Variants in NEURL4 observed in about 807,000 individuals in gnomAD.
NEURL4 encodes the protein neuralized E3 ubiquitin protein ligase 4.
In NEURL4, 45 loss-of-function variants were observed where a neutral mutation model predicts 148.0. That is an observed-to-expected ratio of 0.30 (90% CI 0.24 to 0.39). The LOEUF (loss-of-function observed/expected upper bound fraction) is 0.39, where lower values mean the gene tolerates loss of function less well. Among genes scored for constraint, NEURL4 ranks in the 10% least tolerant of loss-of-function variants. NEURL4 has a pLI of 1.00. For synonymous variants in NEURL4, 854 were observed against 869.0 expected, an observed-to-expected ratio of 0.98 and a Z score of 0.30; for missense variants, 1,776 against 2,144.0, an observed-to-expected ratio of 0.83 and a Z score of 3.39.
chr17:7,328,421 A>G (rs1286223317), intron 1 of NEURL4, among the ~76,000 whole-genome samples: 1 of 152,052 alleles, frequency 6.6e-6, no homozygotes, highest in Non-Finnish European at 1.5e-5. Context: ...TTTTTTTGAG[A>G]CGGAGTCTCA....
At chr17:7,317,955 C>T in intron 25 of NEURL4, 23 bp from the exon 26 acceptor site, 1 of 1,613,964 alleles carries the variant, frequency 6.2e-7, no homozygotes, top group Non-Finnish European at 8.5e-7. Context: ...GAGTAGCAGG[C>T]TTGGTGCTGT....
At position 7,326,538 on chromosome 17, in the gene NEURL4, T is replaced by C. The variant is rs1162048114; in HGVS notation, c.1103A>G (p.Asp368Gly). Reference protein sequence around the residue: ...RDNEMFEIRIDKLVDKWSGSI... With the variant: ...RDNEMFEIRIGKLVDKWSGSI... The stretch of plus-strand genomic sequence containing the variant: ...GCCTGACCACTTATCAACAAGCTTG[T>C]CGATACGGATCTGGCATTGAGGGAC... The change falls in exon 5 of 29, where the codon GAC (aspartate) becomes GGC (glycine). Residue 368 changes from aspartate (D) to glycine (G), a missense_variant. Coordinates refer to ENST00000399464, the MANE Select transcript of NEURL4 (RefSeq NM_032442.3). The surrounding 1 kb of genome is among the most constrained non-coding windows in gnomAD (Gnocchi z 6.0). 6.2e-7 allele frequency: 1 copy of C among 1,613,792 alleles called. No homozygotes were observed. The highest frequency in any genetic ancestry group is 8.5e-7 in the Non-Finnish European group (1 of 1,179,962).
At chr17:7,325,593 G>C (rs747669963) in intron 7 of NEURL4, 48 bp downstream of exon 7, 3 of 1,595,258 alleles carry the variant, frequency 1.9e-6, no homozygotes, top group South Asian at 2.2e-5. Context: ...CCCAGTCCCA[G>C]CCCCACCGAA....
Position 7,322,224 on chromosome 17 carries a change from C to T in NEURL4, c.2726-214G>A, listed in dbSNP as rs990226000. Among the ~76,000 whole-genome samples, 39 of 152,120 alleles carry T rather than the reference C, an allele frequency of 2.6e-4. No individual in the cohort carries two copies. Among genetic ancestry groups the T allele is most frequent in the African/African-American group, 6.8e-4 (28 of 41,396 alleles). ...TCAGGCTGGAGTGCAGGGGCACAGTCGTGGCTCACTGCAGCCTCGACTTCC... is the reference window on the plus strand; with the variant it reads ...TCAGGCTGGAGTGCAGGGGCACAGTTGTGGCTCACTGCAGCCTCGACTTCC... On this transcript the variant is annotated intron_variant, in intron 16 of 28. Transcript: ENST00000399464. This position sits in a 1 kb window ranked among gnomAD's most constrained non-coding sequence, Gnocchi z 5.5.
rs1169359979 is a variant in NEURL4, at chr17:7,317,272, G to A, written c.4417C>T (p.Pro1473Ser). The A allele has an allele frequency of 6.6e-7, 1 of 1,524,698 alleles. No homozygotes were observed. The highest frequency in any genetic ancestry group is 2.3e-5 in the East Asian group (1 of 43,968). The allele number at this position is 1,524,698 out of a possible 1,614,324, so 94.4% of individuals were successfully genotyped here. Residue 1473 changes from proline (P) to serine (S), a missense_variant, in exon 28 of 29, where the codon CCC (proline) becomes TCC (serine). By Grantham distance (74) the Pro-to-Ser change is moderately conservative. Transcript: ENST00000399464. ...GAGGGGGAAAGCAGCACAGGAGGGG[G>A]CTGCTCCTCCCGAGGAGGTGCACAG... ...ENCAPPREEQ[P>S]PPVLLSPSLQ...
chr17:7,321,260 AC>A lies in NEURL4; in HGVS notation c.3211del (p.Val1071CysfsTer108). ...GCGGACTGGCCCGTAGAGATCCAAC[AC>A]AGCCCACACGTTCTGGGAGGCACAC... The part of the protein sequence containing the change: ...ATGIAKNVWA[V>X]LDLYGPVRGV... On this transcript the variant is annotated frameshift_variant, in exon 20 of 29. Transcript: ENST00000399464. LOFTEE classifies it high-confidence loss of function. This position sits in a 1 kb window ranked among gnomAD's most constrained non-coding sequence, Gnocchi z 6.3. The A allele has an allele frequency of 6.2e-7, 1 of 1,613,732 alleles. No individual in the cohort carries two copies. Among genetic ancestry groups the A allele is most frequent in the Non-Finnish European group, 8.5e-7 (1 of 1,179,828 alleles).
rs868717226 is a variant in NEURL4, at chr17:7,322,096, G to A, written c.2726-86C>T. The A allele has an allele frequency of 4.5e-5, 66 of 1,460,214 alleles. 1 individual carries two copies. The Middle Eastern group carries it at 7.2e-3, about 160-fold the overall frequency. The allele number at this position is 1,460,214 out of a possible 1,614,324, so 90.5% of individuals were successfully genotyped here. On this transcript the variant is annotated intron_variant, in intron 16 of 28. Coordinates refer to ENST00000399464, the MANE Select transcript of NEURL4 (RefSeq NM_032442.3). The surrounding 1 kb of genome is among the most constrained non-coding windows in gnomAD (Gnocchi z 5.5). ...ACAGAGCAAAGCTTTCAGATGAAAC[G>A]AAATGGGGATGCCAACGCCCCATCT...
chr17:7,324,430 G>A lies in NEURL4; in HGVS notation c.1864C>T (p.Leu622=). 4 of 1,614,206 alleles carry A rather than the reference G, an allele frequency of 2.5e-6. No homozygotes were observed. Among genetic ancestry groups the A allele is most frequent in the Non-Finnish European group, 3.4e-6 (4 of 1,180,032 alleles). The part of the protein sequence containing the change: ...NGVMHNGTTI[L]DEYGHNLDRL... ...TCCAGATTGTGCCCGTATTCATCCA[G>A]GATGGTCGTCCCATTGTGCATCACC... The change falls in exon 10 of 29, where the codon CTG becomes TTG. Residue 622 remains leucine (L), a synonymous_variant. Coordinates refer to ENST00000399464, the MANE Select transcript of NEURL4 (RefSeq NM_032442.3). The surrounding 1 kb of genome is among the most constrained non-coding windows in gnomAD (Gnocchi z 5.9).
chr17:7,318,597 C>G lies in NEURL4; in HGVS notation c.3762G>C (p.Gly1254=), dbSNP rs754574034. 3 of 1,613,956 alleles carry G rather than the reference C, an allele frequency of 1.9e-6. No individual in the cohort carries two copies. The highest frequency in any genetic ancestry group is 2.5e-6 in the Non-Finnish European group (3 of 1,180,006). The change falls in exon 23 of 29, where the codon GGG becomes GGC. Residue 1254 remains glycine, a synonymous_variant. Coordinates refer to ENST00000399464, the MANE Select transcript of NEURL4 (RefSeq NM_032442.3). The surrounding 1 kb of genome is among the most constrained non-coding windows in gnomAD (Gnocchi z 4.3). ...CCCCATTAACATGAAGATGCAGCCC[C>G]CCAGAGCTGTCCAGCCGCAGTCCCA... ...TILGLRLDSS[G]GLHLHVNGVD...
At chr17:7,325,861 T>TACGGGACAC in intron 6 of NEURL4, 148 bp from the exon 7 acceptor site, 1 of 690,568 alleles carries the variant, frequency 1.4e-6, no homozygotes. Context: ...GACATGACAA[T>TACGGGACAC]TTCCACATTT....
At position 7,327,224 on chromosome 17, in the gene NEURL4, A is replaced by G. The variant is rs949814903; in HGVS notation, c.734T>C (p.Met245Thr). The change falls in exon 3 of 29, where the codon ATG becomes ACG. Residue 245 changes from methionine (M) to threonine (T), a missense_variant. By Grantham distance (81) the Met-to-Thr change is moderately conservative. Coordinates refer to ENST00000399464, the MANE Select transcript of NEURL4 (RefSeq NM_032442.3). This position sits in a 1 kb window ranked among gnomAD's most constrained non-coding sequence, Gnocchi z 6.6. ...EQGTSADEAFMVSPAQARPET... is the reference protein window; with the variant it reads ...EQGTSADEAFTVSPAQARPET... ...CGGCCGGGCCTGCGCTGGGGACACCATGAAGGCTGGGGACCAGGTGGGATG... is the reference window on the plus strand; with the variant it reads ...CGGCCGGGCCTGCGCTGGGGACACCGTGAAGGCTGGGGACCAGGTGGGATG... 1 of 1,610,048 alleles carries G rather than the reference A, an allele frequency of 6.2e-7. No homozygotes were observed. The highest frequency in any genetic ancestry group is 1.1e-5 in the South Asian group (1 of 90,780).
chr17:7,320,340 G>A (rs2073014595), intron 21 of NEURL4, among the ~76,000 whole-genome samples: 1 of 151,906 alleles, frequency 6.6e-6, no homozygotes, highest in African/African-American at 2.4e-5. Context: ...TCACTATATT[G>A]CCTAGGCTGG....
In NEURL4 at chr17:7,324,357, C is replaced by G. The variant is rs138440787; in HGVS notation, c.1899+38G>C. 20 of 1,613,890 alleles carry G rather than the reference C, an allele frequency of 1.2e-5. No homozygotes were observed. The highest frequency in any genetic ancestry group is 1.7e-5 in the Admixed American group (1 of 60,026). On this transcript the variant is annotated intron_variant, in intron 10 of 28. Transcript: ENST00000399464. The surrounding 1 kb of genome is among the most constrained non-coding windows in gnomAD (Gnocchi z 5.9). ...CATCAGCCCCGCGGTGTTTGTGATG[C>G]CCGCTGCGGCCGCCAGGCGGCGCAC...
Position 7,323,032 on chromosome 17 carries a change from T to G in NEURL4, c.2509A>C (p.Met837Leu), listed in dbSNP as rs1369030083. 6.2e-7 allele frequency: 1 copy of G among 1,613,736 alleles called. No individual in the cohort carries two copies. The highest frequency in any genetic ancestry group is 8.5e-7 in the Non-Finnish European group (1 of 1,179,972). ...ALGTGARIGM[M>L]RTAKGDLHYF... ...TGCAGGTCGCCCTTGGCAGTTCGCA[T>G]CATGCCAATGCGTGCACCTGTGCCC... Residue 837 changes from methionine to leucine, a missense_variant, in exon 15 of 29, where the codon ATG (methionine) becomes CTG (leucine). Physicochemically the swap from Met to Leu is conservative, Grantham distance 15 (BLOSUM62 2). Coordinates refer to ENST00000399464, the MANE Select transcript of NEURL4 (RefSeq NM_032442.3).
chr17:7,324,184 C>T lies in NEURL4; in HGVS notation c.1986G>A (p.Trp662Ter). 1 of 1,613,826 alleles carries T rather than the reference C, an allele frequency of 6.2e-7. No individual in the cohort carries two copies. The highest frequency in any genetic ancestry group is 8.5e-7 in the Non-Finnish European group (1 of 1,180,022). ...VNGMTQGPAA[W>*]NVPPGVYAVV... Reference sequence around the variant, plus strand: ...CAGCATAGACGCCCGGGGGCACGTTCCAGGCAGCAGGGCCCTGAGTCATCC... The same window carrying T: ...CAGCATAGACGCCCGGGGGCACGTTTCAGGCAGCAGGGCCCTGAGTCATCC... The change falls in exon 11 of 29, where the codon TGG (tryptophan) becomes TGA (stop). Residue 662 changes from tryptophan (W) to a stop codon, truncating the protein, a stop_gained. Coordinates refer to ENST00000399464, the MANE Select transcript of NEURL4 (RefSeq NM_032442.3). LOFTEE classifies it high-confidence loss of function. The surrounding 1 kb of genome is among the most constrained non-coding windows in gnomAD (Gnocchi z 5.9).
At chr17:7,325,144 T>TTGGGGGGGGGGGGC in intron 8 of NEURL4, 65 bp downstream of exon 8, 1 of 956,486 alleles carries the variant, frequency 1.0e-6, no homozygotes, top group Non-Finnish European at 1.5e-6. Context: ...TCCACTTCCT[T>TTGGGGGGGGGGGGC]GCCCCGCCCC....
intron 8 of NEURL4, 44 bp downstream of exon 8, chr17:7,325,165 T>G (rs1370015454): frequency 3.1e-6 from 1 of 318,986 alleles, no homozygotes; most frequent in Non-Finnish European, 5.8e-6. Context: ...CCCCCCCCCA[T>G]TAGAATCCCT....
rs1302564980 is a variant in NEURL4, at chr17:7,329,163, G to A, written c.150C>T (p.Arg50=). 1.2e-6 allele frequency: 2 copies of A among 1,601,718 alleles called. No homozygotes were observed. The highest frequency in any genetic ancestry group is 1.3e-5 in the African/African-American group (1 of 74,880). Residue 50 remains arginine, a synonymous_variant, in exon 1 of 29, where the codon CGC becomes CGT. Coordinates refer to ENST00000399464, the MANE Select transcript of NEURL4 (RefSeq NM_032442.3). ...SGGELHPRTG[R]LVSLSACGRT... is the part of the protein sequence containing the mutation. ...GCCCACAGGCCGACAGGCTCACCAA[G>A]CGCCCAGTGCGCGGGTGCAGTTCCC...
Position 7,321,768 on chromosome 17 carries a change from T to C in NEURL4, c.2891A>G (p.Asp964Gly). ...CCGCAGGGAACCTGCCCACTTCTCA[T>C]CTAGCTCTTCCACTTTCACCTACGA... ...EVFEVKVEEL[D>G]EKWAGSLRLG... Residue 964 changes from aspartate (D) to glycine (G), a missense_variant, in exon 18 of 29, where the codon GAT becomes GGT. Asp to Gly is a moderately conservative substitution (Grantham distance 94). Transcript: ENST00000399464. This position sits in a 1 kb window ranked among gnomAD's most constrained non-coding sequence, Gnocchi z 6.3. 6.2e-7 allele frequency: 1 copy of C among 1,613,414 alleles called. No individual in the cohort carries two copies. The highest frequency in any genetic ancestry group is 8.5e-7 in the Non-Finnish European group (1 of 1,179,900).
Sources: gnomAD v4.1 joint callset for allele counts (sites outside exome capture counted in the v4.1 genomes callset) on GRCh38, gnomAD v4.1.1 for gene constraint, Gnocchi (gnomAD v3.1) non-coding constraint, MANE v1.5 for transcripts, NCBI Gene and HGNC (gene_info 2026-07-23, HGNC 2026-07-21) for gene names.